Variants in AGBL3 observed in about 807,000 individuals in gnomAD.
AGBL3 encodes the protein AGBL carboxypeptidase 3.
AGBL3 carries 68 observed loss-of-function variants against 94.5 expected under a neutral mutation model. The ratio of observed to expected loss-of-function variants is 0.72; its 90% CI spans 0.59 to 0.88. The LOEUF is 0.88. AGBL3 is among the 40% of genes least tolerant of loss of function. The pLI, the probability that AGBL3 is intolerant of heterozygous loss-of-function variation, is 0.00. For missense variants in AGBL3, 934 were observed against 1,103.8 expected, an observed-to-expected ratio of 0.85 and a Z score of 2.18; for synonymous variants, 354 against 370.7, an observed-to-expected ratio of 0.95 and a Z score of 0.52.
intron 5 of AGBL3, among the ~76,000 whole-genome samples, chr7:135,022,773 C>T (rs1418102312): frequency 6.6e-6 from 1 of 151,972 alleles, no homozygotes; most frequent in Non-Finnish European, 1.5e-5. Flanking sequence ...AGGTTTTCTT[C>T]TAGAGTTTTT....
chr7:135,035,165 G>A (rs1162188642), intron 7 of AGBL3, among the ~76,000 whole-genome samples: 1 of 151,990 alleles, frequency 6.6e-6, no homozygotes, highest in African/African-American at 2.4e-5. Context: ...ACAGATTCTA[G>A]AATGTTTTGA....
chr7:135,065,209 T>A (rs937532429), intron 12 of AGBL3, among the ~76,000 whole-genome samples: 1 of 152,220 alleles, frequency 6.6e-6, no homozygotes, highest in African/African-American at 2.4e-5. Context: ...TGGAAAGTAT[T>A]TTGTGTTCGT....
chr7:135,107,579 T>G (rs1012721167), intron 15 of AGBL3, among the ~76,000 whole-genome samples: 2 of 151,984 alleles, frequency 1.3e-5, no homozygotes, highest in Non-Finnish European at 2.9e-5. Flanking sequence ...GATCTAGGAG[T>G]GTGTTGGTTA....
intron 5 of AGBL3, among the ~76,000 whole-genome samples, chr7:135,031,386 A>T (rs944114599): frequency 1.3e-5 from 2 of 152,090 alleles, no homozygotes; most frequent in Non-Finnish European, 2.9e-5. Flanking sequence ...CAGTCTCCTG[A>T]GTAGCTGGGA....
At chr7:135,003,260 C>A (rs959568754) in intron 4 of AGBL3, among the ~76,000 whole-genome samples, 5 of 152,068 alleles carry the variant, frequency 3.3e-5, no homozygotes, top group African/African-American at 1.2e-4. Flanking sequence ...TCTTTTTCTA[C>A]CCACTTACAA....
intron 15 of AGBL3, 23 bp from the exon 16 acceptor site, chr7:135,115,357 A>G (rs1250219451): frequency 1.4e-6 from 2 of 1,429,426 alleles, no homozygotes; most frequent in African/African-American, 1.4e-5. Flanking sequence ...ATCTCTGTAC[A>G]TATTTTTGTG....
intron 12 of AGBL3, among the ~76,000 whole-genome samples, chr7:135,072,607 CT>C (rs1328148550): frequency 3.9e-5 from 6 of 152,116 alleles, no homozygotes; most frequent in African/African-American, 1.4e-4. Context: ...AGTTCATGTC[CT>C]TTGTAGGGAC....
At chr7:135,110,467 A>G (rs945092585) in intron 15 of AGBL3, among the ~76,000 whole-genome samples, 2 of 152,068 alleles carry the variant, frequency 1.3e-5, no homozygotes, top group Admixed American at 1.3e-4. Flanking sequence ...TATGTGTCAG[A>G]CTGCAGGAAT....
Position 135,076,434 on chromosome 7 carries a change from C to T in AGBL3, c.1946C>T (p.Thr649Ile), listed in dbSNP as rs1414045643. 1 of 1,549,034 alleles carries T rather than the reference C, an allele frequency of 6.5e-7. No homozygotes were observed. Among genetic ancestry groups the T allele is most frequent in the East Asian group, 2.5e-5 (1 of 40,788 alleles). Residue 649 changes from threonine (T) to isoleucine (I), a missense_variant, in exon 13 of 17, where the codon ACC becomes ATC. This residue lies in a region of AGBL3 where 441 missense variants were observed against 518.2 expected (regional missense o/e 0.85). Coordinates refer to ENST00000436302, the MANE Select transcript of AGBL3 (RefSeq NM_178563.4). The stretch of plus-strand genomic sequence containing the variant: ...AAAACAAAGAAGGAAAGGAATTCTA[C>T]CATAGCAAGCCACCAAAATGCCAGA... ...HLKTKKERNS[T>I]IASHQNARGQ... is the part of the protein sequence containing the mutation.
chr7:135,080,256 G>A lies in AGBL3; in HGVS notation c.2034G>A (p.Val678=), dbSNP rs1216933357. 8 of 1,548,492 alleles carry A rather than the reference G, an allele frequency of 5.2e-6. No homozygotes were observed. Among genetic ancestry groups the A allele is most frequent in the Non-Finnish European group, 7.0e-6 (8 of 1,144,632 alleles). Residue 678 remains valine (V), a synonymous_variant, in exon 14 of 17, where the codon GTG becomes GTA. Coordinates refer to ENST00000436302, the MANE Select transcript of AGBL3 (RefSeq NM_178563.4). ...GACACACACAATCAAATTCTGATGT[G>A]AAAGGTAATATTCTGCTTCTACCTT... ...LQRHTQSNSD[V]KDTRPNEPDD...
intron 15 of AGBL3, among the ~76,000 whole-genome samples, chr7:135,087,426 GT>G (rs1821418311): frequency 6.6e-6 from 1 of 151,668 alleles, no homozygotes; most frequent in South Asian, 2.1e-4. Flanking sequence ...TAATTAGGTT[GT>G]TTATTTGAAA....
chr7:134,987,425 T>G (rs1809610354), intron 1 of AGBL3, among the ~76,000 whole-genome samples: 1 of 152,216 alleles, frequency 6.6e-6, no homozygotes, highest in Admixed American at 6.5e-5. Flanking sequence ...ACAGACAGTA[T>G]CTACAGAATA....
Position 134,993,581 on chromosome 7 carries a change from AC to A in AGBL3, c.215del (p.Pro72GlnfsTer13), listed in dbSNP as rs1480308434. On this transcript the variant is annotated frameshift_variant, in exon 4 of 17. Coordinates refer to ENST00000436302, the MANE Select transcript of AGBL3 (RefSeq NM_178563.4). LOFTEE classifies it high-confidence loss of function. ...GGAGATGGGTGCCACGTCTTCGTGA[AC>A]CAAGGGATTTATATGGTGTCTCTTC... The part of the protein sequence containing the change: ...LGRWVPRLRE[P>X]RDLYGVSSSG... 1 of 1,551,896 alleles carries A rather than the reference AC, an allele frequency of 6.4e-7. No homozygotes were observed. The highest frequency in any genetic ancestry group is 1.4e-5 in the African/African-American group (1 of 73,042).
At position 135,032,895 on chromosome 7, in the gene AGBL3, C is replaced by T. The variant is rs773938960; in HGVS notation, c.470C>T (p.Pro157Leu). The T allele has an allele frequency of 9.3e-5, 145 of 1,551,294 alleles. No individual in the cohort carries two copies. Among genetic ancestry groups the T allele is most frequent in the Non-Finnish European group, 1.2e-4 (135 of 1,146,824 alleles). Residue 157 changes from proline to leucine, a missense_variant, in exon 6 of 17, where the codon CCT (proline) becomes CTT (leucine). By Grantham distance (98) the Pro-to-Leu change is moderately conservative. Transcript: ENST00000436302. The part of the protein sequence containing the change: ...VYSRVGGNRT[P>L]LKQPVDYRDN... Reference sequence around the variant, plus strand: ...TCCCGAGTTGGGGGTAACCGAACACCTTTGAAGCAGCCTGTGGATTACCGT... The same window carrying T: ...TCCCGAGTTGGGGGTAACCGAACACTTTTGAAGCAGCCTGTGGATTACCGT...
intron 5 of AGBL3, among the ~76,000 whole-genome samples, chr7:135,017,583 TGCCCC>T (rs1813951403): frequency 6.6e-6 from 1 of 152,238 alleles, no homozygotes; most frequent in Non-Finnish European, 1.5e-5. Flanking sequence ...GAGAAACAAC[TGCCCC>T]ACTTTGCAAA....
intron 12 of AGBL3, among the ~76,000 whole-genome samples, chr7:135,060,224 G>A (rs976122541): frequency 2.0e-5 from 3 of 152,022 alleles, no homozygotes; most frequent in South Asian, 2.1e-4. Context: ...TTTACTAAAT[G>A]TATCACTTCT....
chr7:135,112,795 A>G (rs758353034), intron 15 of AGBL3, among the ~76,000 whole-genome samples: 6 of 152,208 alleles, frequency 3.9e-5, no homozygotes, highest in Non-Finnish European at 7.4e-5. Context: ...TTTTTTTGAG[A>G]TGGAGTATTG....
intron 16 of AGBL3, among the ~76,000 whole-genome samples, chr7:135,119,248 G>C (rs80279843): frequency 6.8e-6 from 1 of 146,396 alleles, no homozygotes; most frequent in Non-Finnish European, 1.5e-5. Context: ...TTTTTTTTTT[G>C]AGACAAAGTC....
chr7:135,026,244 A>ATTATTTTATTTTATTTTATTTTATT (rs1554497685), intron 5 of AGBL3, among the ~76,000 whole-genome samples: 28 of 81,476 alleles, frequency 3.4e-4, no homozygotes, highest in African/African-American at 8.2e-4. Context: ...AATGAATACC[A>ATTATTTTATTTTATTTTATTTTATT]TTATTTTATT....
Sources: gnomAD v4.1 joint callset for allele counts (sites outside exome capture counted in the v4.1 genomes callset) on GRCh38, gnomAD v4.1.1 for gene constraint, gnomAD v4.1.1 regional missense constraint, MANE v1.5 for transcripts, NCBI Gene and HGNC (gene_info 2026-07-23, HGNC 2026-07-21) for gene names.